Variants in DSCAM observed in about 807,000 individuals in gnomAD.
DSCAM encodes DS cell adhesion molecule.
DSCAM carries 47 observed loss-of-function variants against 217.7 expected under a neutral mutation model. The ratio of observed to expected loss-of-function variants is 0.22; its 90% confidence interval spans 0.17 to 0.28. DSCAM has a LOEUF of 0.28. Ranked by LOEUF, DSCAM falls within the 10% of genes least tolerant of loss-of-function variation. The pLI is 1.00. For missense variants in DSCAM, 2,080 were observed against 2,618.3 expected, an observed-to-expected ratio of 0.79 and a Z score of 4.49; for synonymous variants, 1,056 against 1,015.3, an observed-to-expected ratio of 1.04 and a Z score of -0.76.
intron 3 of DSCAM, among the ~76,000 whole-genome samples, chr21:40,564,884 AG>A (rs34091175): frequency 0.21 from 31,573 of 152,070 alleles, 3,429 homozygotes; most frequent in East Asian, 0.27. Flanking sequence ...TGTGCCAGCA[AG>A]GTGTGCTGTA....
chr21:40,761,581 G>A (rs545242389), intron 1 of DSCAM, among the ~76,000 whole-genome samples: 1 of 152,224 alleles, frequency 6.6e-6, no homozygotes, highest in Non-Finnish European at 1.5e-5. Context: ...CCTTCATCTT[G>A]GACTTGGAGC....
intron 1 of DSCAM, among the ~76,000 whole-genome samples, chr21:40,752,573 G>T (rs2091239591): frequency 6.6e-6 from 1 of 152,138 alleles, no homozygotes; most frequent in Non-Finnish European, 1.5e-5. Flanking sequence ...TGTAATCCTA[G>T]ATACTGAGAA....
chr21:40,496,135 C>A (rs1424241009), intron 3 of DSCAM, among the ~76,000 whole-genome samples: 1 of 152,068 alleles, frequency 6.6e-6, no homozygotes, highest in East Asian at 1.9e-4. Flanking sequence ...CACTCCCTAT[C>A]AAAATGGCAT....
intron 3 of DSCAM, among the ~76,000 whole-genome samples, chr21:40,412,348 A>G (rs1266993380): frequency 2.0e-5 from 3 of 152,206 alleles, no homozygotes; most frequent in Non-Finnish European, 4.4e-5. Flanking sequence ...TCAGAAGAAG[A>G]CAGGAAAATA....
intron 3 of DSCAM, among the ~76,000 whole-genome samples, chr21:40,482,242 T>A (rs910885256): frequency 2.6e-5 from 4 of 152,248 alleles, no homozygotes; most frequent in African/African-American, 9.6e-5. Flanking sequence ...ATGACCACAC[T>A]GAACAGTTCT....
chr21:40,441,698 A>G (rs1177355438), intron 3 of DSCAM, among the ~76,000 whole-genome samples: 3 of 152,130 alleles, frequency 2.0e-5, no homozygotes, highest in Non-Finnish European at 4.4e-5. Context: ...TAAACCCTTG[A>G]CCTGCCCTAC....
chr21:40,617,879 T>C (rs1007040539), intron 3 of DSCAM, among the ~76,000 whole-genome samples: 1 of 152,196 alleles, frequency 6.6e-6, no homozygotes, highest in African/African-American at 2.4e-5. Context: ...CCAAAATTCC[T>C]ACTGCAGAGC....
chr21:40,165,572 G>A (rs1040931021), intron 16 of DSCAM, among the ~76,000 whole-genome samples: 12 of 152,208 alleles, frequency 7.9e-5, no homozygotes, highest in African/African-American at 2.9e-4. Flanking sequence ...TAACTGCAAT[G>A]CACTGACTTT....
chr21:40,386,737 T>C (rs1269146344), intron 3 of DSCAM, among the ~76,000 whole-genome samples: 1 of 152,248 alleles, frequency 6.6e-6, no homozygotes, highest in African/African-American at 2.4e-5. Context: ...ATTCTTTCAA[T>C]GAAAATTTGT....
At chr21:40,296,895 C>A (rs2073961089) in intron 9 of DSCAM, among the ~76,000 whole-genome samples, 1 of 144,928 alleles carries the variant, frequency 6.9e-6, no homozygotes, top group South Asian at 2.2e-4. Flanking sequence ...TAGTAATTAT[C>A]AAATATAAGT....
At chr21:40,560,116 C>T (rs2076708615) in intron 3 of DSCAM, among the ~76,000 whole-genome samples, 1 of 152,148 alleles carries the variant, frequency 6.6e-6, no homozygotes, top group Non-Finnish European at 1.5e-5. Context: ...TTGAACTAAA[C>T]ACTTGTGCTT....
chr21:40,463,923 T>C (rs919689201), intron 3 of DSCAM, among the ~76,000 whole-genome samples: 1 of 152,190 alleles, frequency 6.6e-6, no homozygotes. Flanking sequence ...TCTCTTTTCT[T>C]GGCTTCTAGG....
chr21:40,468,112 A>G (rs2075859840), intron 3 of DSCAM, among the ~76,000 whole-genome samples: 1 of 152,200 alleles, frequency 6.6e-6, no homozygotes, highest in Admixed American at 6.5e-5. Flanking sequence ...TCCTCTGCCC[A>G]TCTGAGACAA....
chr21:40,706,801 C>T (rs2183578), intron 2 of DSCAM, among the ~76,000 whole-genome samples: 46,547 of 152,058 alleles, frequency 0.31, 8,807 homozygotes, highest in African/African-American at 0.54. Flanking sequence ...TATGTGTTCA[C>T]AATAAAAAGC....
At position 40,110,070 on chromosome 21, in the gene DSCAM, TG is replaced by T. The variant is rs1316228527; in HGVS notation, c.3696+14124del. Among the ~76,000 whole-genome samples, 14 of 152,296 alleles carry T rather than the reference TG, an allele frequency of 9.2e-5. 1 individual carries two copies. The highest frequency in any genetic ancestry group is 2.6e-4 in the African/African-American group (11 of 41,578). On this transcript the variant is annotated intron_variant, in intron 20 of 32. Coordinates refer to ENST00000400454, the MANE Select transcript of DSCAM (RefSeq NM_001389.5). Reference sequence around the variant, plus strand: ...TGTCTGACAGCTTTGAAGAGAGTAGTGGTTCCCCTAGCATGCAGCTGGAGAT... The same window carrying T: ...TGTCTGACAGCTTTGAAGAGAGTAGTGTTCCCCTAGCATGCAGCTGGAGAT...
intron 3 of DSCAM, among the ~76,000 whole-genome samples, chr21:40,565,810 C>T (rs990257886): frequency 5.9e-5 from 9 of 152,170 alleles, no homozygotes; most frequent in Admixed American, 5.2e-4. Flanking sequence ...GAAGGAATCA[C>T]AAATGTCTGC....
intron 1 of DSCAM, among the ~76,000 whole-genome samples, chr21:40,736,304 T>C (rs1029932814): frequency 2.0e-5 from 3 of 152,118 alleles, no homozygotes; most frequent in South Asian, 2.1e-4. Flanking sequence ...TTCTATTACA[T>C]AGGCTTGATT....
intron 3 of DSCAM, among the ~76,000 whole-genome samples, chr21:40,476,878 C>G (rs2075941202): frequency 6.6e-6 from 1 of 152,130 alleles, no homozygotes; most frequent in African/African-American, 2.4e-5. Context: ...AGGGAAAATT[C>G]AGAGAGAGTA....
At chr21:40,671,901 A>G (rs1334235255) in intron 3 of DSCAM, among the ~76,000 whole-genome samples, 1 of 152,126 alleles carries the variant, frequency 6.6e-6, no homozygotes, top group Non-Finnish European at 1.5e-5. Context: ...AGGCTGCTGC[A>G]AAAAATACCA....
Sources: allele counts gnomAD v4.1 joint callset (sites outside exome capture counted in the v4.1 genomes callset), GRCh38; gene constraint gnomAD v4.1.1; transcripts MANE v1.5; gene names NCBI Gene and HGNC (gene_info 2026-07-23, HGNC 2026-07-21).